TET1: variants seen among roughly 807,000 people sequenced by gnomAD.
TET1 encodes tet methylcytosine dioxygenase 1, also known as methylcytosine dioxygenase TET1.
A neutral mutation model predicts 148.7 loss-of-function variants in TET1; 13 were observed. The ratio of observed to expected loss-of-function variants is 0.09; its 90% CI spans 0.06 to 0.14. TET1 has a LOEUF of 0.14. Among genes scored for constraint, TET1 ranks in the 10% least tolerant of loss-of-function variants. TET1 has a pLI of 1.00. For synonymous variants in TET1, 907 were observed against 937.2 expected, an observed-to-expected ratio of 0.97 and a Z score of 0.59; for missense variants, 2,182 against 2,553.8, an observed-to-expected ratio of 0.85 and a Z score of 3.14.
At position 68,645,674 on chromosome 10, in the gene TET1, T is replaced by C. The variant is rs1252881820; in HGVS notation, c.2945T>C (p.Ile982Thr). 1 of 1,614,124 alleles carries C rather than the reference T, an allele frequency of 6.2e-7. No individual in the cohort carries two copies. The highest frequency in any genetic ancestry group is 2.2e-5 in the East Asian group (1 of 44,882). Residue 982 changes from isoleucine (I) to threonine (T), a missense_variant, in exon 4 of 12, where the codon ATC (isoleucine) becomes ACC (threonine). Ile to Thr is a moderately conservative substitution (Grantham distance 89, BLOSUM62 -1). Transcript: ENST00000373644. ...GQTTTLSNSH[I>T]NSATNQASTK... The stretch of plus-strand genomic sequence containing the variant: ...ACTACTACCCTTTCCAACTCACATA[T>C]CAACTCAGCTACTAACCAAGCATCC...
chr10:68,660,749 C>T lies in TET1; in HGVS notation c.4462-6296C>T, dbSNP rs796566833. Among the ~76,000 whole-genome samples the T allele has an allele frequency of 1.4e-4, 22 of 151,988 alleles. 1 individual carries two copies. Among genetic ancestry groups the T allele is most frequent in the African/African-American group, 5.3e-4 (22 of 41,420 alleles). On this transcript the variant is annotated intron_variant, in intron 6 of 11. Transcript: ENST00000373644. ...GATCTCAGCCCACTGAAACCTCTGCCTCCCAGGTTCTAGGGATTGTCCTGC... is the reference window on the plus strand; with the variant it reads ...GATCTCAGCCCACTGAAACCTCTGCTTCCCAGGTTCTAGGGATTGTCCTGC...
At chr10:68,656,827 A>G (rs886753213) in intron 6 of TET1, among the ~76,000 whole-genome samples, 2 of 151,952 alleles carry the variant, frequency 1.3e-5, no homozygotes, top group Non-Finnish European at 2.9e-5. Flanking sequence ...GGAATTTGAG[A>G]CCATCCTGGA....
At chr10:68,577,530 G>A (rs1004931753) in intron 2 of TET1, among the ~76,000 whole-genome samples, 9 of 151,970 alleles carry the variant, frequency 5.9e-5, no homozygotes, top group East Asian at 1.9e-4. Flanking sequence ...TAGCTGGGCC[G>A]GGTGCATTGG....
At chr10:68,606,683 G>A (rs1269989264) in intron 3 of TET1, among the ~76,000 whole-genome samples, 1 of 152,064 alleles carries the variant, frequency 6.6e-6, no homozygotes, top group East Asian at 1.9e-4. Flanking sequence ...GATTTAATGG[G>A]CCAGTGAGGA....
chr10:68,640,409 G>A (rs1407493995), intron 3 of TET1, among the ~76,000 whole-genome samples: 4 of 150,532 alleles, frequency 2.7e-5, no homozygotes, highest in Non-Finnish European at 4.4e-5. Flanking sequence ...GATTATAGGC[G>A]CCTGCCACCG....
At chr10:68,576,886 C>A (rs1203254711) in intron 2 of TET1, among the ~76,000 whole-genome samples, 1 of 151,060 alleles carries the variant, frequency 6.6e-6, no homozygotes, top group Non-Finnish European at 1.5e-5. Context: ...GGATTACAGG[C>A]ACCCACCACC....
chr10:68,693,397 A>C lies in TET1; in HGVS notation c.*1583A>C. The C allele has an allele frequency of 8.6e-6, 2 of 233,406 alleles. No individual in the cohort carries two copies. The highest frequency in any genetic ancestry group is 8.5e-6 in the Non-Finnish European group (1 of 117,924). 14.5% of individuals were successfully genotyped at this position (233,406 alleles called of 1,614,324 possible). ...TGCCATAGGAAGCCCACAACCGCTA[A>C]CACTTACAATTTTGGTGCAAAAGCA... On this transcript the variant is annotated 3_prime_UTR_variant, in exon 12 of 12. Transcript: ENST00000373644.
intron 3 of TET1, among the ~76,000 whole-genome samples, chr10:68,606,172 C>T (rs199901553): frequency 1.3e-5 from 2 of 151,480 alleles, no homozygotes; most frequent in Non-Finnish European, 2.9e-5. Context: ...TTCAAGACCA[C>T]CCTGGCCAAC....
intron 3 of TET1, among the ~76,000 whole-genome samples, chr10:68,603,175 T>C (rs1484147756): frequency 6.6e-6 from 1 of 152,216 alleles, no homozygotes; most frequent in Non-Finnish European, 1.5e-5. Flanking sequence ...TTATTTGCTG[T>C]CTTTACATTT....
At chr10:68,647,136 G>A (rs2054862718) in intron 4 of TET1, 131 bp downstream of exon 4, 2 of 1,000,192 alleles carry the variant, frequency 2.0e-6, no homozygotes, top group Admixed American at 3.1e-5. Flanking sequence ...GATGGATTAA[G>A]TAAATCTATA....
At chr10:68,650,704 G>C (rs773787893) in intron 4 of TET1, among the ~76,000 whole-genome samples, 4 of 152,162 alleles carry the variant, frequency 2.6e-5, no homozygotes, top group Admixed American at 1.3e-4. Flanking sequence ...TTGACATCCA[G>C]TGAAAATGAC....
chr10:68,584,757 T>A (rs2053841501), intron 2 of TET1, among the ~76,000 whole-genome samples: 1 of 151,876 alleles, frequency 6.6e-6, no homozygotes, highest in Admixed American at 6.6e-5. Flanking sequence ...TACATTTTAT[T>A]CCATATGCAG....
chr10:68,580,508 G>A (rs1454721239), intron 2 of TET1, among the ~76,000 whole-genome samples: 1 of 149,376 alleles, frequency 6.7e-6, no homozygotes, highest in South Asian at 2.1e-4. Flanking sequence ...GGCCGGGCAC[G>A]GTGGCTCATG....
chr10:68,570,359 C>T lies in TET1; in HGVS notation c.-122-1858C>T, dbSNP rs911694383. ...ACCTCAGGTGATCCACCTGCCTCGGCCTCCCAAAGTGCTGGGATTACAGGC... is the reference window on the plus strand; with the variant it reads ...ACCTCAGGTGATCCACCTGCCTCGGTCTCCCAAAGTGCTGGGATTACAGGC... On this transcript the variant is annotated intron_variant, in intron 1 of 11. Transcript: ENST00000373644. Among the ~76,000 whole-genome samples, 5 of 152,092 alleles carry T rather than the reference C, an allele frequency of 3.3e-5. No homozygotes were observed. The East Asian group carries it at 9.7e-4, about 29-fold the overall frequency.
chr10:68,569,303 G>A (rs1423538055), intron 1 of TET1, among the ~76,000 whole-genome samples: 1 of 150,046 alleles, frequency 6.7e-6, no homozygotes, highest in African/African-American at 2.5e-5. Context: ...TTCCCAAGTA[G>A]TTGGGACTAC....
chr10:68,669,474 C>CTT (rs3085667), intron 7 of TET1, among the ~76,000 whole-genome samples: 6,780 of 61,456 alleles, frequency 0.11, 601 homozygotes, highest in South Asian at 0.19. Flanking sequence ...CCATGCCCAG[C>CTT]TTTTTTTTTT....
chr10:68,676,268 A>ATT (rs1217792442), intron 8 of TET1, among the ~76,000 whole-genome samples: 9 of 36,000 alleles, frequency 2.5e-4, no homozygotes, highest in African/African-American at 1.0e-3. Flanking sequence ...ATATATATAT[A>ATT]TTTTTTTTTT....
chr10:68,691,957 G>A lies in TET1; in HGVS notation c.*143G>A, dbSNP rs907756626. ...AAAAAAATAATAATGATAACAAAAC[G>A]GGGTGGGTATTCTTAACTGTGACTA... On this transcript the variant is annotated 3_prime_UTR_variant, in exon 12 of 12. Transcript: ENST00000373644. This position sits in a 1 kb window ranked among gnomAD's most constrained non-coding sequence, Gnocchi z 4.4. 1.1e-5 allele frequency: 11 copies of A among 1,003,916 alleles called. No homozygotes were observed. In the East Asian group the frequency reaches 2.4e-4, roughly 22 times the overall value. 62.2% of individuals were successfully genotyped at this position (1,003,916 alleles called of 1,614,324 possible).
chr10:68,630,376 A>G (rs1216311031), intron 3 of TET1, among the ~76,000 whole-genome samples: 1 of 152,138 alleles, frequency 6.6e-6, no homozygotes, highest in African/African-American at 2.4e-5. Context: ...CAGTGGTGCT[A>G]TTTTGGCTCA....
Sources: allele counts gnomAD v4.1 joint callset (sites outside exome capture counted in the v4.1 genomes callset), GRCh38; gene constraint gnomAD v4.1.1; non-coding constraint Gnocchi (gnomAD v3.1); transcripts MANE v1.5; gene names NCBI Gene and HGNC (gene_info 2026-07-23, HGNC 2026-07-21).